Variants in MGAT4C observed in about 807,000 individuals in gnomAD.
MGAT4C encodes the protein MGAT4 family member C.
Under a neutral mutation model 40.1 loss-of-function variants are expected in MGAT4C, and 19 were observed. The observed-to-expected ratio is 0.47, with a 90% CI of 0.33 to 0.70. The LOEUF is 0.70. Ranked by LOEUF, MGAT4C falls within the 30% of genes least tolerant of loss-of-function variation. MGAT4C has a pLI of 0.02. For missense variants in MGAT4C, 491 were observed against 563.2 expected (o/e 0.87, Z 1.30); for synonymous variants, 181 against 187.1 (o/e 0.97, Z 0.27).
chr12:86,709,154 C>G (rs1565940610), intron 2 of MGAT4C, among the ~76,000 whole-genome samples: 2 of 152,152 alleles, frequency 1.3e-5, no homozygotes, highest in South Asian at 2.1e-4. Flanking sequence ...CCATTCTGTT[C>G]CTGTGATAGT....
rs575696420 is a variant in MGAT4C, at chr12:86,476,031, T to C, written c.-228-40766A>G. On this transcript the variant is annotated intron_variant, in intron 2 of 7. Transcript: ENST00000548651. The stretch of plus-strand genomic sequence containing the variant: ...ACATTCACACATCCATCACCTTCCA[T>C]AGTAATGTCTCATTGTACATGTGTG... Among the ~76,000 whole-genome samples the C allele has an allele frequency of 3.9e-5, 6 of 152,206 alleles. No individual in the cohort carries two copies. In the South Asian group the frequency reaches 1.2e-3, roughly 32 times the overall value.
At chr12:86,617,623 G>T (rs1565886074) in intron 2 of MGAT4C, among the ~76,000 whole-genome samples, 1 of 151,896 alleles carries the variant, frequency 6.6e-6, no homozygotes, top group African/African-American at 2.4e-5. Context: ...GGGAGGCGGA[G>T]CTTGCAGTGC....
intron 1 of MGAT4C, among the ~76,000 whole-genome samples, chr12:86,240,022 A>C: frequency 2.6e-5 from 1 of 37,924 alleles, no homozygotes; most frequent in East Asian, 1.7e-3. Context: ...AACTTAGAGT[A>C]TAATAAAAAA....
intron 2 of MGAT4C, among the ~76,000 whole-genome samples, chr12:86,692,094 T>TA (rs1429293679): frequency 6.6e-6 from 1 of 152,114 alleles, no homozygotes; most frequent in East Asian, 1.9e-4. Flanking sequence ...AGAAATTTTT[T>TA]AAAAAATGGA....
At chr12:86,053,557 G>T (rs544883647) in intron 1 of MGAT4C, among the ~76,000 whole-genome samples, 1 of 151,854 alleles carries the variant, frequency 6.6e-6, no homozygotes, top group African/African-American at 2.4e-5. Context: ...CAAAAGCATA[G>T]AAACCAAAGC....
intron 1 of MGAT4C, among the ~76,000 whole-genome samples, chr12:86,081,564 A>G (rs1349256659): frequency 6.6e-6 from 1 of 152,168 alleles, no homozygotes; most frequent in Non-Finnish European, 1.5e-5. Flanking sequence ...TAACACTAGG[A>G]AACAATGCCT....
chr12:86,402,437 T>G (rs185964627), intron 3 of MGAT4C, among the ~76,000 whole-genome samples: 1 of 151,856 alleles, frequency 6.6e-6, no homozygotes, highest in Non-Finnish European at 1.5e-5. Context: ...TCAAAAAAAA[T>G]AATAATAATA....
intron 1 of MGAT4C, among the ~76,000 whole-genome samples, chr12:86,119,722 CTTTTTTT>C (rs11306440): frequency 1.1e-4 from 13 of 122,190 alleles, no homozygotes; most frequent in African/African-American, 3.3e-4. Context: ...TCCCACCATT[CTTTTTTT>C]TTTTTTTTTT....
intron 1 of MGAT4C, among the ~76,000 whole-genome samples, chr12:86,810,815 A>G (rs1004660434): frequency 3.3e-5 from 5 of 151,982 alleles, no homozygotes; most frequent in African/African-American, 1.2e-4. Context: ...ATTTTGTACT[A>G]TCTTTGTCAA....
rs145706080 is a variant in MGAT4C at position 86,795,168 on chromosome 12, A to G, written c.-262+43498T>C. ...TTCCTTTATTACTAAAGACAAAATT[A>G]TTTTCTACTAGAAACTCTGCATTTA... On this transcript the variant is annotated intron_variant, in intron 1 of 7. Transcript: ENST00000548651. Among the ~76,000 whole-genome samples the G allele has an allele frequency of 7.0e-3, 1,071 of 152,088 alleles. 10 individuals are homozygous for G. Among genetic ancestry groups the G allele is most frequent in the African/African-American group, 0.025 (1,018 of 41,542 alleles).
At position 86,335,630 on chromosome 12, in the gene MGAT4C, T is replaced by C. The variant is rs561957391; in HGVS notation, c.-119-1503A>G. 7.2e-5 allele frequency among the ~76,000 whole-genome samples: 11 copies of C among 152,210 alleles called. No individual in the cohort carries two copies. In the South Asian group the frequency reaches 1.9e-3, roughly 26 times the overall value. Reference sequence around the variant, plus strand: ...GAGAGCCAAAATTACCTGGTGACCATCCAGAGGCAAAACTCTTTATCTGTG... The same window carrying C: ...GAGAGCCAAAATTACCTGGTGACCACCCAGAGGCAAAACTCTTTATCTGTG... On this transcript the variant is annotated intron_variant, in intron 3 of 7. Transcript: ENST00000548651.
chr12:86,706,632 G>T (rs1372369523), intron 2 of MGAT4C, among the ~76,000 whole-genome samples: 1 of 152,070 alleles, frequency 6.6e-6, no homozygotes, highest in African/African-American at 2.4e-5. Context: ...AAGCAAGACA[G>T]AGTCCTCAAT....
intron 1 of MGAT4C, among the ~76,000 whole-genome samples, chr12:86,172,340 T>C (rs529330381): frequency 1.3e-5 from 2 of 152,198 alleles, no homozygotes; most frequent in Non-Finnish European, 2.9e-5. Flanking sequence ...ACTAATATAC[T>C]GAAAACACTT....
At chr12:86,369,154 CTGATA>C (rs1179019604) in intron 3 of MGAT4C, among the ~76,000 whole-genome samples, 3 of 151,978 alleles carry the variant, frequency 2.0e-5, no homozygotes, top group African/African-American at 7.2e-5. Context: ...TCTACTTTGT[CTGATA>C]TAAGTTTAGC....
chr12:86,035,350 A>G (rs1457785311), intron 2 of MGAT4C, among the ~76,000 whole-genome samples: 6 of 149,824 alleles, frequency 4.0e-5, no homozygotes, highest in Admixed American at 3.3e-4. Flanking sequence ...ACTTTTTTTC[A>G]TGTGTTTGTT....
chr12:86,088,071 C>A (rs575276273), intron 1 of MGAT4C, among the ~76,000 whole-genome samples: 1 of 151,820 alleles, frequency 6.6e-6, no homozygotes, highest in South Asian at 2.1e-4. Context: ...AGAAATAACG[C>A]CAAATACCTA....
intron 1 of MGAT4C, among the ~76,000 whole-genome samples, chr12:86,134,469 G>T (rs572301440): frequency 7.2e-5 from 11 of 152,148 alleles, no homozygotes; most frequent in African/African-American, 1.9e-4. Context: ...TGTAAGTAGG[G>T]TTTATAAATT....
At chr12:86,768,846 A>C (rs1565977322) in intron 1 of MGAT4C, among the ~76,000 whole-genome samples, 1 of 151,956 alleles carries the variant, frequency 6.6e-6, no homozygotes, top group East Asian at 1.9e-4. Flanking sequence ...TCCCTTCCTT[A>C]CACCTTATAC....
chr12:86,091,451 G>GGATTA (rs1872867458), intron 1 of MGAT4C, among the ~76,000 whole-genome samples: 1 of 151,950 alleles, frequency 6.6e-6, no homozygotes, highest in Non-Finnish European at 1.5e-5. Flanking sequence ...AAATACAAAA[G>GGATTA]AAAGCAGAGC....
Sources: gnomAD v4.1 joint callset for allele counts (sites outside exome capture counted in the v4.1 genomes callset) on GRCh38, gnomAD v4.1.1 for gene constraint, MANE v1.5 for transcripts, NCBI Gene and HGNC (gene_info 2026-07-23, HGNC 2026-07-21) for gene names.